TBCK: variants seen among roughly 807,000 people sequenced by gnomAD.
TBCK encodes TBC domain-containing protein kinase-like protein.
Under a neutral mutation model 113.4 loss-of-function variants are expected in TBCK, and 99 were observed. That is an observed-to-expected ratio of 0.87 (90% CI 0.74 to 1.03). The LOEUF (loss-of-function observed/expected upper bound fraction) is 1.03. Among genes scored for constraint, TBCK ranks in the 50% least tolerant of loss-of-function variants. The pLI is 0.00. For synonymous variants in TBCK, 369 were observed against 370.8 expected, an observed-to-expected ratio of 1.00 and a Z score of 0.05; for missense variants, 1,045 against 1,061.3, an observed-to-expected ratio of 0.98 and a Z score of 0.21.
At chr4:106,105,288 C>T (rs768173483) in intron 24 of TBCK, among the ~76,000 whole-genome samples, 10 of 152,204 alleles carry the variant, frequency 6.6e-5, no homozygotes, top group Non-Finnish European at 8.8e-5. Flanking sequence ...GGGCTGACTT[C>T]GCTGAGTGAT....
intron 2 of TBCK, among the ~76,000 whole-genome samples, chr4:106,302,594 C>T (rs895392854): frequency 6.6e-6 from 1 of 152,076 alleles, no homozygotes. Context: ...CTTCCAGATA[C>T]AGTGGGAATA....
chr4:106,312,461 G>A lies in TBCK; in HGVS notation c.-30+3470C>T, dbSNP rs188459348. Among the ~76,000 whole-genome samples the A allele has an allele frequency of 5.9e-3, 864 of 146,860 alleles. 10 individuals carry two copies. The highest frequency in any genetic ancestry group is 0.021 in the African/African-American group (844 of 40,150). ...AAATTTAAATGACTGGCAGTAACAA[G>A]TGTTGAGAATGTGGAAGTGGAGCTT... is the stretch of plus-strand genomic sequence containing the variant. On this transcript the variant is annotated intron_variant, in intron 1 of 25. Transcript: ENST00000394708.
At chr4:106,151,113 T>C (rs1288661909) in intron 23 of TBCK, among the ~76,000 whole-genome samples, 2 of 152,068 alleles carry the variant, frequency 1.3e-5, no homozygotes, top group African/African-American at 4.8e-5. Context: ...ATGAGATATT[T>C]TGATATAAGC....
intron 24 of TBCK, among the ~76,000 whole-genome samples, chr4:106,114,241 C>A (rs889639630): frequency 6.6e-6 from 1 of 152,098 alleles, no homozygotes; most frequent in Non-Finnish European, 1.5e-5. Flanking sequence ...TGCAAACCTT[C>A]TTGGAAGGCG....
At chr4:106,263,547 G>A (rs1762698377) in intron 3 of TBCK, among the ~76,000 whole-genome samples, 1 of 151,802 alleles carries the variant, frequency 6.6e-6, no homozygotes, top group African/African-American at 2.4e-5. Flanking sequence ...AAGTTTTGTG[G>A]CATGAGGGAA....
At chr4:106,226,739 AAATCTTGTGATATTACCC>A (rs1189271026) in intron 19 of TBCK, among the ~76,000 whole-genome samples, 1 of 152,260 alleles carries the variant, frequency 6.6e-6, no homozygotes, top group African/African-American at 2.4e-5. Flanking sequence ...ATAGTTTCTG[AAATCTTGTGATATTACCC>A]AAGGTTTTAT....
At chr4:106,086,649 A>G (rs1372561721) in intron 25 of TBCK, among the ~76,000 whole-genome samples, 1 of 152,238 alleles carries the variant, frequency 6.6e-6, no homozygotes, top group Non-Finnish European at 1.5e-5. Flanking sequence ...TCTCATGTCA[A>G]TATCCCTGAT....
chr4:106,046,757 G>T (rs1560575907), intron 25 of TBCK, 77 bp from the exon 26 acceptor site: 1 of 683,418 alleles, frequency 1.5e-6, no homozygotes, highest in Non-Finnish European at 2.5e-6. Context: ...CTCAGAATTT[G>T]AAAGACAAAA....
At chr4:106,094,788 C>T (rs1028749185) in intron 25 of TBCK, among the ~76,000 whole-genome samples, 36 of 152,306 alleles carry the variant, frequency 2.4e-4, no homozygotes, top group African/African-American at 8.2e-4. Context: ...GTTACCTCTG[C>T]TACTTTTCTA....
intron 23 of TBCK, among the ~76,000 whole-genome samples, chr4:106,120,825 T>C (rs932280830): frequency 1.2e-3 from 175 of 152,046 alleles, no homozygotes; most frequent in Admixed American, 3.5e-3. Flanking sequence ...TACATCACCA[T>C]CATCAAAGAC....
chr4:106,264,014 A>G (rs1009953268), intron 3 of TBCK, among the ~76,000 whole-genome samples: 7 of 152,070 alleles, frequency 4.6e-5, no homozygotes, highest in Admixed American at 1.3e-4. Context: ...GTAGTTTTCA[A>G]TTCTGGTGGT....
At chr4:106,274,975 G>C (rs1043424844) in intron 3 of TBCK, among the ~76,000 whole-genome samples, 1 of 151,984 alleles carries the variant, frequency 6.6e-6, no homozygotes, top group South Asian at 2.1e-4. Flanking sequence ...ATACCAAAAA[G>C]CTTTAAAGTA....
intron 23 of TBCK, among the ~76,000 whole-genome samples, chr4:106,139,962 AAATAT>A (rs1406502565): frequency 7.1e-6 from 1 of 141,218 alleles, no homozygotes; most frequent in African/African-American, 2.5e-5. Flanking sequence ...AAAGCCTGTT[AAATAT>A]AATAGCAGTT....
intron 19 of TBCK, among the ~76,000 whole-genome samples, chr4:106,228,604 C>T (rs1323401833): frequency 6.6e-6 from 1 of 151,966 alleles, no homozygotes; most frequent in African/African-American, 2.4e-5. Flanking sequence ...AATAGTACTC[C>T]ATTGTGTATT....
chr4:106,075,941 A>G lies in TBCK; in HGVS notation c.2571+19541T>C, dbSNP rs372745071. 1.2e-4 allele frequency among the ~76,000 whole-genome samples: 18 copies of G among 152,354 alleles called. No individual in the cohort carries two copies. The South Asian group carries it at 3.7e-3, about 32-fold the overall frequency. On this transcript the variant is annotated intron_variant, in intron 25 of 25. Coordinates refer to ENST00000394708, the MANE Select transcript of TBCK (RefSeq NM_001163435.3). ...ATAAGCCTGTTTTAGAAAACAGGAT[A>G]TGTGGCAGCATTCACACTCAAAAGC... is the stretch of plus-strand genomic sequence containing the variant.
At chr4:106,173,112 T>C (rs945911152) in intron 22 of TBCK, among the ~76,000 whole-genome samples, 2 of 152,152 alleles carry the variant, frequency 1.3e-5, no homozygotes, top group Non-Finnish European at 2.9e-5. Context: ...TCAGATTTCA[T>C]CACCTCATAT....
chr4:106,156,543 T>C (rs1057407328), intron 23 of TBCK, among the ~76,000 whole-genome samples: 20 of 152,136 alleles, frequency 1.3e-4, no homozygotes, highest in Non-Finnish European at 8.8e-5. Flanking sequence ...GTGTGCCTAG[T>C]GTTCTATTGT....
chr4:106,293,108 T>C (rs1454568426), intron 3 of TBCK, among the ~76,000 whole-genome samples: 1 of 152,170 alleles, frequency 6.6e-6, no homozygotes, highest in Admixed American at 6.5e-5. Flanking sequence ...CGCAACCCAT[T>C]TGTGAATAAA....
chr4:106,272,664 T>C (rs531274259), intron 3 of TBCK, among the ~76,000 whole-genome samples: 22 of 151,780 alleles, frequency 1.4e-4, no homozygotes, highest in African/African-American at 5.3e-4. Context: ...GCTAATTTTT[T>C]TTTTGTATTT....
Sources: allele counts gnomAD v4.1 joint callset (sites outside exome capture counted in the v4.1 genomes callset), GRCh38; gene constraint gnomAD v4.1.1; transcripts MANE v1.5; gene names NCBI Gene and HGNC (gene_info 2026-07-23, HGNC 2026-07-21).